The following CDK18 variants were observed in gnomAD, a reference collection of about 807,000 sequenced individuals.
The protein encoded by CDK18 is cyclin dependent kinase 18.
A neutral mutation model predicts 62.0 loss-of-function variants in CDK18; 52 were observed. The ratio of observed to expected loss-of-function variants is 0.84; its 90% CI spans 0.67 to 1.06. The LOEUF (loss-of-function observed/expected upper bound fraction) is 1.06, where lower values mean the gene tolerates loss of function less well. Ranked by LOEUF, CDK18 falls within the 50% of genes least tolerant of loss-of-function variation. The pLI is 0.00. For synonymous variants in CDK18, 237 were observed against 247.0 expected (o/e 0.96, Z 0.38); for missense variants, 604 against 619.9 (o/e 0.97, Z 0.27).
At chr1:205,507,633 CAAAAAA>C (rs56313401) in intron 1 of CDK18, among the ~76,000 whole-genome samples, 23 of 72,196 alleles carry the variant, frequency 3.2e-4, no homozygotes, top group African/African-American at 5.3e-4. Context: ...GACTCCGTCT[CAAAAAA>C]AAAAAAAAAA....
At chr1:205,523,335 AC>A in intron 2 of CDK18, 38 bp downstream of exon 2, 4 of 1,612,962 alleles carry the variant, frequency 2.5e-6, no homozygotes, top group Non-Finnish European at 3.4e-6. Context: ...TCTCCCACCT[AC>A]CAGACACTCC....
intron 1 of CDK18, among the ~76,000 whole-genome samples, chr1:205,518,680 G>C (rs1420802948): frequency 6.6e-6 from 1 of 152,238 alleles, no homozygotes; most frequent in African/African-American, 2.4e-5. Flanking sequence ...CAAGGGATGG[G>C]GATGGAGGCT....
At chr1:205,510,459 C>T (rs538712755) in intron 1 of CDK18, among the ~76,000 whole-genome samples, 2 of 152,340 alleles carry the variant, frequency 1.3e-5, no homozygotes, top group African/African-American at 2.4e-5. Flanking sequence ...AAAGGGGTCA[C>T]AGAGCCCCTC....
intron 1 of CDK18, among the ~76,000 whole-genome samples, chr1:205,510,505 C>A (rs1307655131): frequency 6.6e-6 from 1 of 152,246 alleles, no homozygotes; most frequent in Non-Finnish European, 1.5e-5. Flanking sequence ...GGCAGCATCC[C>A]CTGCCGTGGC....
In CDK18 at chr1:205,526,843, G is replaced by T. The variant is rs376270292; in HGVS notation, c.729+6G>T. 30 of 1,612,378 alleles carry T rather than the reference G, an allele frequency of 1.9e-5. No homozygotes were observed. In the African/African-American group the frequency reaches 3.9e-4, roughly 21 times the overall value. ...TGAGCATGCACAACGTCAAGGTGAG[G>T]CCTCGGGGGCAGGGTCCCCCCATCT... is the stretch of plus-strand genomic sequence containing the variant. On this transcript the variant is annotated splice_donor_region_variant and intron_variant, in intron 8 of 15. Coordinates refer to ENST00000429964, the MANE Select transcript of CDK18 (RefSeq NM_212502.3).
chr1:205,524,781 C>T (rs1353021297), intron 4 of CDK18, among the ~76,000 whole-genome samples: 1 of 152,190 alleles, frequency 6.6e-6, no homozygotes, highest in Non-Finnish European at 1.5e-5. Context: ...TAGAAGTGCG[C>T]TGATGAGAGA....
chr1:205,526,469 T>G lies in CDK18; in HGVS notation c.666+8T>G. Reference sequence around the variant, plus strand: ...CTGGTGTTTGAGTACCTGGTGAGAGTCCGGCTGGGGCTGGCCGCCTCTCCC... The same window carrying G: ...CTGGTGTTTGAGTACCTGGTGAGAGGCCGGCTGGGGCTGGCCGCCTCTCCC... On this transcript the variant is annotated splice_region_variant and intron_variant, in intron 7 of 15. Transcript: ENST00000429964. 6.2e-7 allele frequency: 1 copy of G among 1,607,200 alleles called. No individual in the cohort carries two copies. Among genetic ancestry groups the G allele is most frequent in the Non-Finnish European group, 8.5e-7 (1 of 1,174,074 alleles).
chr1:205,520,657 G>A (rs1206901476), intron 1 of CDK18, among the ~76,000 whole-genome samples: 4 of 149,310 alleles, frequency 2.7e-5, no homozygotes, highest in Admixed American at 6.7e-5. Context: ...CCAAGATCAC[G>A]CCACTGCACT....
chr1:205,523,101 G>A lies in CDK18; in HGVS notation c.-21-46G>A. 8 of 1,547,996 alleles carry A rather than the reference G, an allele frequency of 5.2e-6. No individual in the cohort carries two copies. The South Asian group carries it at 1.0e-4, about 19-fold the overall frequency. ...TCCCAGTGGGTGGAGACCTGGACTG[G>A]TTGCCTTGTTCTTTTCAACTGCTCT... On this transcript the variant is annotated intron_variant, in intron 1 of 15. Transcript: ENST00000429964.
intron 1 of CDK18, among the ~76,000 whole-genome samples, chr1:205,506,386 T>G (rs1487234730): frequency 6.6e-6 from 1 of 151,882 alleles, no homozygotes; most frequent in East Asian, 1.9e-4. Flanking sequence ...CTCTCCCCAC[T>G]GGGTCCCCAG....
rs757075143 is a variant in CDK18 at position 205,517,636 on chromosome 1, C to A, written c.-21-5511C>A. 3.9e-5 allele frequency among the ~76,000 whole-genome samples: 6 copies of A among 152,050 alleles called. No homozygotes were observed. Among genetic ancestry groups the A allele is most frequent in the Non-Finnish European group, 7.4e-5 (5 of 68,016 alleles). On this transcript the variant is annotated intron_variant, in intron 1 of 15. Transcript: ENST00000429964. This position sits in a 1 kb window ranked among gnomAD's most constrained non-coding sequence, Gnocchi z 4.1. ...TCCACTCCGGCTGCTTGGCGAAAACCCTGCTGCAGAGTCATGCTTGACTCT... is the reference window on the plus strand; with the variant it reads ...TCCACTCCGGCTGCTTGGCGAAAACACTGCTGCAGAGTCATGCTTGACTCT...
rs1668413810 is a variant in CDK18, at chr1:205,526,178, G to A, written c.570G>A (p.Glu190=). The A allele has an allele frequency of 6.2e-7, 1 of 1,612,658 alleles. No individual in the cohort carries two copies. Among genetic ancestry groups the A allele is most frequent in the East Asian group, 2.2e-5 (1 of 44,868 alleles). ...EEGAPCTAIR[E]VSLLKNLKHA... The stretch of plus-strand genomic sequence containing the variant: ...GAGCGCCCTGCACTGCCATCCGAGA[G>A]GGTACAGCATCCTAGGCTCCCACGC... Residue 190 remains glutamate, a splice_region_variant and synonymous_variant, in exon 6 of 16, where the codon GAG becomes GAA. Coordinates refer to ENST00000429964, the MANE Select transcript of CDK18 (RefSeq NM_212502.3).
chr1:205,525,052 C>T, intron 4 of CDK18, 87 bp from the exon 5 acceptor site: 1 of 818,212 alleles, frequency 1.2e-6, no homozygotes, highest in Non-Finnish European at 2.0e-6. Context: ...TCCCTTCCCT[C>T]CCAGAGGCTG....
At position 205,523,498 on chromosome 1, in the gene CDK18, C is replaced by T. The variant is rs750206182; in HGVS notation, c.146C>T (p.Pro49Leu). 5 of 1,604,060 alleles carry T rather than the reference C, an allele frequency of 3.1e-6. No homozygotes were observed. In the African/African-American group the frequency reaches 6.7e-5, roughly 21 times the overall value. ...NRRNENLQLG[P>L]LGRDPPQECS... is the part of the protein sequence containing the mutation. Reference sequence around the variant, plus strand: ...TCCCTCTTAGACTTGCAGCTCGGTCCTCTTGGCAGAGACCCCCCGCAGGAG... The same window carrying T: ...TCCCTCTTAGACTTGCAGCTCGGTCTTCTTGGCAGAGACCCCCCGCAGGAG... The change falls in exon 3 of 16, where the codon CCT (proline) becomes CTT (leucine). Residue 49 changes from proline (P) to leucine (L), a missense_variant. Transcript: ENST00000429964.
At chr1:205,529,846 C>A in intron 13 of CDK18, 2 of 1,348,082 alleles carry the variant, frequency 1.5e-6, no homozygotes, top group Non-Finnish European at 2.0e-6. Context: ...GGATTAATAC[C>A]TATTTTATAA....
intron 11 of CDK18, 98 bp downstream of exon 11, chr1:205,529,194 C>T: frequency 1.5e-6 from 2 of 1,354,400 alleles, no homozygotes; most frequent in Non-Finnish European, 2.0e-6. Context: ...GCTCGGCCGC[C>T]TCTCTCCCGG....
At position 205,527,951 on chromosome 1, in the gene CDK18, A is replaced by G. The variant is rs1321449146; in HGVS notation, c.853+34A>G. 6.2e-7 allele frequency: 1 copy of G among 1,613,476 alleles called. No individual in the cohort carries two copies. Among genetic ancestry groups the G allele is most frequent in the Admixed American group, 1.7e-5 (1 of 59,998 alleles). On this transcript the variant is annotated intron_variant, in intron 9 of 15. Coordinates refer to ENST00000429964, the MANE Select transcript of CDK18 (RefSeq NM_212502.3). The surrounding 1 kb of genome is among the most constrained non-coding windows in gnomAD (Gnocchi z 4.1). Reference sequence around the variant, plus strand: ...GGGGCTAGGGTGGGGGTCTGACGCTACTGGGGTGCCTCAGGGTGTGGGTGC... The same window carrying G: ...GGGGCTAGGGTGGGGGTCTGACGCTGCTGGGGTGCCTCAGGGTGTGGGTGC...
chr1:205,513,716 GGCCACAAGC>G (rs2102279329), intron 1 of CDK18, among the ~76,000 whole-genome samples: 1 of 152,294 alleles, frequency 6.6e-6, no homozygotes, highest in Non-Finnish European at 1.5e-5. Context: ...CCAGGAAGAG[GGCCACAAGC>G]CCCTCCGAAC....
intron 2 of CDK18, 25 bp from the exon 3 acceptor site, chr1:205,523,458 G>A (rs1214366669): frequency 1.9e-6 from 3 of 1,595,744 alleles, no homozygotes; most frequent in Non-Finnish European, 2.6e-6. Context: ...AGGCAGGGAG[G>A]GGAGCTGACG....
Sources: allele counts gnomAD v4.1 joint callset (sites outside exome capture counted in the v4.1 genomes callset), GRCh38; gene constraint gnomAD v4.1.1; non-coding constraint Gnocchi (gnomAD v3.1); transcripts MANE v1.5; gene names NCBI Gene and HGNC (gene_info 2026-07-23, HGNC 2026-07-21).